Variants in NOM1 observed in about 807,000 individuals in gnomAD.
NOM1 encodes nucleolar MIF4G domain-containing protein 1.
NOM1 carries 58 observed loss-of-function variants against 73.3 expected under a neutral mutation model. The observed-to-expected ratio is 0.79, with a 90% CI of 0.64 to 0.99. The LOEUF is 0.99. NOM1 is among the 50% of genes least tolerant of loss of function. The pLI, the probability that NOM1 is intolerant of heterozygous loss-of-function variation, is 0.00. For missense variants in NOM1, 1,226 were observed against 1,131.9 expected, an observed-to-expected ratio of 1.08 and a Z score of -1.19; for synonymous variants, 487 against 446.8, an observed-to-expected ratio of 1.09 and a Z score of -1.14.
intron 4 of NOM1, 24 bp from the exon 5 acceptor site, chr7:156,962,127 T>C (rs762199646): frequency 1.3e-6 from 2 of 1,596,998 alleles, no homozygotes; most frequent in African/African-American, 1.3e-5. Flanking sequence ...TGATGGACTT[T>C]CCATTTTTTC....
intron 9 of NOM1, 90 bp from the exon 10 acceptor site, chr7:156,968,997 A>C (rs1805074431): frequency 1.4e-6 from 1 of 739,806 alleles, no homozygotes; most frequent in East Asian, 2.6e-5. Context: ...GGGGGAGATT[A>C]ATTTTTACTC....
intron 7 of NOM1, among the ~76,000 whole-genome samples, chr7:156,964,924 G>A (rs184934836): frequency 2.4e-4 from 36 of 152,234 alleles, no homozygotes; most frequent in Admixed American, 1.5e-3. Flanking sequence ...GAAGGACTTC[G>A]TTTATTTTTC....
intron 6 of NOM1, 27 bp downstream of exon 6, chr7:156,963,202 C>T (rs968142849): frequency 1.2e-6 from 2 of 1,612,954 alleles, no homozygotes; most frequent in African/African-American, 1.3e-5. Flanking sequence ...TCAAGGCTGC[C>T]AGGCAGAGGC....
chr7:156,958,003 G>A lies in NOM1; in HGVS notation c.1309-1848G>A, dbSNP rs1804769662. Among the ~76,000 whole-genome samples the A allele has an allele frequency of 2.6e-5, 4 of 152,190 alleles. No homozygotes were observed. The South Asian group carries it at 8.3e-4, about 32-fold the overall frequency. Reference sequence around the variant, plus strand: ...GTCTCAGGTCTTTACAAACTGAAGTGTATATCCAGTCCATCAGAGCTGGCC... The same window carrying A: ...GTCTCAGGTCTTTACAAACTGAAGTATATATCCAGTCCATCAGAGCTGGCC... On this transcript the variant is annotated intron_variant, in intron 3 of 10. Transcript: ENST00000275820.
chr7:156,969,141 T>G lies in NOM1; in HGVS notation c.2353T>G (p.Leu785Val). The G allele has an allele frequency of 6.2e-7, 1 of 1,601,814 alleles. No individual in the cohort carries two copies. The highest frequency in any genetic ancestry group is 8.6e-7 in the Non-Finnish European group (1 of 1,168,676). Residue 785 changes from leucine (L) to valine (V), a missense_variant, in exon 10 of 11, where the codon TTA becomes GTA. Leu to Val is a conservative substitution (Grantham distance 32). Coordinates refer to ENST00000275820, the MANE Select transcript of NOM1 (RefSeq NM_138400.2). ...CAGAGTCCGTTTTTTACGAAAAGTA[T>G]TAAGTATCCTATTAATGGAAACAGA... is the stretch of plus-strand genomic sequence containing the variant. ...KPRVRFLRKV[L>V]SILLMETEVE...
intron 2 of NOM1, among the ~76,000 whole-genome samples, chr7:156,953,804 A>G (rs1288786909): frequency 6.6e-6 from 1 of 152,230 alleles, no homozygotes; most frequent in Non-Finnish European, 1.5e-5. Flanking sequence ...TCAGGTCAGA[A>G]TATTCAGGGG....
chr7:156,969,709 G>A lies in NOM1; in HGVS notation c.*6G>A. ...AAGCTTCCCTGAGAATGTAGTCAGG[G>A]AAGGAAGGAGGGCAGGTGGCCCTTT... On this transcript the variant is annotated 3_prime_UTR_variant, in exon 11 of 11. Transcript: ENST00000275820. 1 of 1,600,048 alleles carries A rather than the reference G, an allele frequency of 6.2e-7. No homozygotes were observed. Among genetic ancestry groups the A allele is most frequent in the Non-Finnish European group, 8.5e-7 (1 of 1,171,574 alleles).
At chr7:156,953,876 C>T (rs1804654542) in intron 2 of NOM1, among the ~76,000 whole-genome samples, 1 of 152,154 alleles carries the variant, frequency 6.6e-6, no homozygotes, top group African/African-American at 2.4e-5. Context: ...GGCCACATTT[C>T]ATCTTGTAAA....
rs34176770 is a variant in NOM1, at chr7:156,954,522, C to CTTTTTTTTTTTTTTTTTTTTTTTTTTTTT, written c.1308+244_1308+245insTTTTTTTTTTTTTTTTTTTTTTTTTTTTT. On this transcript the variant is annotated intron_variant, in intron 3 of 10. Transcript: ENST00000275820. The stretch of plus-strand genomic sequence containing the variant: ...ACTTTGCTTTTTTGTTCTGTCCATT[C>CTTTTTTTTTTTTTTTTTTTTTTTTTTTTT]TTTTTTTTTTTTTTTTTTTTGAGAC... 2.2e-4 allele frequency among the ~76,000 whole-genome samples: 22 copies of CTTTTTTTTTTTTTTTTTTTTTTTTTTTTT among 101,648 alleles called. 1 individual carries two copies. Among genetic ancestry groups the CTTTTTTTTTTTTTTTTTTTTTTTTTTTTT allele is most frequent in the African/African-American group, 7.5e-4 (19 of 25,328 alleles). 66.7% of individuals were successfully genotyped at this position (101,648 alleles called of 152,430 possible).
At position 156,950,114 on chromosome 7, in the gene NOM1, C is replaced by T. The variant is rs771598525; in HGVS notation, c.377C>T (p.Thr126Met). The T allele has an allele frequency of 1.2e-4, 191 of 1,553,564 alleles. No homozygotes were observed. Among genetic ancestry groups the T allele is most frequent in the Non-Finnish European group, 1.6e-4 (184 of 1,152,184 alleles). ...GAAGCCAGCGGTCACCGGCAGGACA[C>T]GGAGGAGCGCGCCCGCCCAGCCCCT... ...AEEASGHRQD[T>M]EERARPAPSR... Residue 126 changes from threonine (T) to methionine (M), a missense_variant, in exon 1 of 11, where the codon ACG becomes ATG. Transcript: ENST00000275820.
At position 156,963,655 on chromosome 7, in the gene NOM1, A is replaced by G. The variant is rs187912666; in HGVS notation, c.1912-250A>G. On this transcript the variant is annotated intron_variant, in intron 6 of 10. Coordinates refer to ENST00000275820, the MANE Select transcript of NOM1 (RefSeq NM_138400.2). ...CAGTGACTGGTTCTCTGTTTTATTCATCGTCGCTTGCCCTGAGGTTGAACC... is the reference window on the plus strand; with the variant it reads ...CAGTGACTGGTTCTCTGTTTTATTCGTCGTCGCTTGCCCTGAGGTTGAACC... 163 of 409,214 alleles carry G rather than the reference A, an allele frequency of 4.0e-4. 1 individual carries two copies. Among genetic ancestry groups the G allele is most frequent in the Middle Eastern group, 6.8e-4 (1 of 1,474 alleles). The allele number at this position is 409,214 out of a possible 1,614,324, so 25.3% of individuals were successfully genotyped here.
chr7:156,966,304 A>G lies in NOM1; in HGVS notation c.2068A>G (p.Ile690Val), dbSNP rs1804994449. The change falls in exon 8 of 11, where the codon ATT becomes GTT. Residue 690 changes from isoleucine to valine, a missense_variant. Physicochemically the swap from Ile to Val is conservative, Grantham distance 29. Coordinates refer to ENST00000275820, the MANE Select transcript of NOM1 (RefSeq NM_138400.2). ...TAAGGATCAGCAGGAGAGAGAAATC[A>G]TTCACGTTCTCATGGATTGCTGCCT... ...GLKDQQEREI[I>V]HVLMDCCLQE... 3 of 1,614,036 alleles carry G rather than the reference A, an allele frequency of 1.9e-6. No individual in the cohort carries two copies. The highest frequency in any genetic ancestry group is 1.3e-5 in the African/African-American group (1 of 74,934).
At position 156,957,815 on chromosome 7, in the gene NOM1, A is replaced by G. The variant is rs564023384; in HGVS notation, c.1309-2036A>G. Reference sequence around the variant, plus strand: ...AAAAAAAAAAAGAAAAAGAAAATATACATGAATATGTTTTATGCCTAAATT... The same window carrying G: ...AAAAAAAAAAAGAAAAAGAAAATATGCATGAATATGTTTTATGCCTAAATT... On this transcript the variant is annotated intron_variant, in intron 3 of 10. Transcript: ENST00000275820. Among the ~76,000 whole-genome samples the G allele has an allele frequency of 4.6e-5, 7 of 150,922 alleles. No homozygotes were observed. The East Asian group carries it at 1.4e-3, about 29-fold the overall frequency.
chr7:156,950,042 C>T lies in NOM1; in HGVS notation c.305C>T (p.Ala102Val), dbSNP rs1804537489. 6.5e-7 allele frequency: 1 copy of T among 1,542,710 alleles called. No homozygotes were observed. ...AAAGCACGCCGGCTGCAGAGGACGGCGGGCCCCGAACAGGGTCCCGGCCTG... is the reference window on the plus strand; with the variant it reads ...AAAGCACGCCGGCTGCAGAGGACGGTGGGCCCCGAACAGGGTCCCGGCCTG... ...LRKARRLQRT[A>V]GPEQGPGLGG... The change falls in exon 1 of 11, where the codon GCG becomes GTG. Residue 102 changes from alanine (A) to valine (V), a missense_variant. By Grantham distance (64) the Ala-to-Val change is moderately conservative (BLOSUM62 0). Coordinates refer to ENST00000275820, the MANE Select transcript of NOM1 (RefSeq NM_138400.2).
chr7:156,951,927 T>C (rs1467402016), intron 1 of NOM1, among the ~76,000 whole-genome samples: 1 of 152,106 alleles, frequency 6.6e-6, no homozygotes, highest in East Asian at 1.9e-4. Flanking sequence ...AGGATGGTCT[T>C]GATCTCCTGA....
At chr7:156,967,353 C>T (rs1252069537) in intron 9 of NOM1, among the ~76,000 whole-genome samples, 2 of 152,136 alleles carry the variant, frequency 1.3e-5, no homozygotes, top group African/African-American at 2.4e-5. Flanking sequence ...TTTGCTGGTC[C>T]TAATTATAAA....
chr7:156,963,123 C>G lies in NOM1; in HGVS notation c.1859C>G (p.Pro620Arg), dbSNP rs201968252. The G allele has an allele frequency of 6.2e-7, 1 of 1,614,098 alleles. No homozygotes were observed. The highest frequency in any genetic ancestry group is 1.1e-5 in the South Asian group (1 of 91,080). Residue 620 changes from proline (P) to arginine (R), a missense_variant, in exon 6 of 11, where the codon CCG (proline) becomes CGG (arginine). By Grantham distance (103) the Pro-to-Arg change is moderately radical. Coordinates refer to ENST00000275820, the MANE Select transcript of NOM1 (RefSeq NM_138400.2). The part of the protein sequence containing the change: ...WIVGSAWSGA[P>R]MIDNSHHTHL... ...GTGGGGTCCGCCTGGAGTGGGGCCC[C>G]GATGATCGACAACAGTCACCATACG...
rs148305352 is a variant in NOM1 at position 156,968,516 on chromosome 7, A to T, written c.2299-571A>T. ...TCTAGCTCGCTGACATTCAGCTAAG[A>T]TTGCAGTGGGTCCACGTTGGCGCCC... is the stretch of plus-strand genomic sequence containing the variant. On this transcript the variant is annotated intron_variant, in intron 9 of 10. Coordinates refer to ENST00000275820, the MANE Select transcript of NOM1 (RefSeq NM_138400.2). Among the ~76,000 whole-genome samples the T allele has an allele frequency of 5.7e-3, 865 of 152,016 alleles. 10 individuals carry two copies. Among genetic ancestry groups the T allele is most frequent in the African/African-American group, 0.019 (803 of 41,448 alleles).
Position 156,963,901 on chromosome 7 carries a change from C to G in NOM1, c.1912-4C>G. The stretch of plus-strand genomic sequence containing the variant: ...TATGACTTGTCCATTCATCGTGCTT[C>G]CAGGTCAGTTCAAAGATCCTAGAAC... On this transcript the variant is annotated splice_polypyrimidine_tract_variant and splice_region_variant and intron_variant, in intron 6 of 10. Coordinates refer to ENST00000275820, the MANE Select transcript of NOM1 (RefSeq NM_138400.2). 6.2e-7 allele frequency: 1 copy of G among 1,612,784 alleles called. No homozygotes were observed. The highest frequency in any genetic ancestry group is 1.1e-5 in the South Asian group (1 of 90,914).
Sources: allele counts gnomAD v4.1 joint callset (sites outside exome capture counted in the v4.1 genomes callset), GRCh38; gene constraint gnomAD v4.1.1; transcripts MANE v1.5; gene names NCBI Gene and HGNC (gene_info 2026-07-23, HGNC 2026-07-21).